The following LRRFIP1 variants were observed in gnomAD, a reference collection of about 807,000 sequenced individuals.
LRRFIP1 encodes the protein LRR binding FLII interacting protein 1.
LRRFIP1 carries 62 observed loss-of-function variants against 104.4 expected under a neutral mutation model. The ratio of observed to expected loss-of-function variants is 0.59; its 90% CI spans 0.48 to 0.73. The LOEUF (loss-of-function observed/expected upper bound fraction) is 0.73. Among genes scored for constraint, LRRFIP1 ranks in the 30% least tolerant of loss-of-function variants. LRRFIP1 has a pLI of 0.00. For synonymous variants in LRRFIP1, 300 were observed against 299.0 expected (o/e 1.00, Z -0.03); for missense variants, 796 against 824.5 (o/e 0.97, Z 0.42).
intron 4 of LRRFIP1, among the ~76,000 whole-genome samples, chr2:237,719,051 C>T (rs2094447027): frequency 6.6e-6 from 1 of 152,124 alleles, no homozygotes; most frequent in African/African-American, 2.4e-5. Flanking sequence ...TTATAAGATA[C>T]ATCCCCAGCT....
intron 1 of LRRFIP1, among the ~76,000 whole-genome samples, chr2:237,633,328 G>A (rs182283502): frequency 1.8e-3 from 273 of 152,324 alleles, no homozygotes; most frequent in Non-Finnish European, 3.1e-3. Flanking sequence ...GGCTGTTTGT[G>A]CGATTCCCAA....
At chr2:237,736,655 A>C (rs368271106) in intron 10 of LRRFIP1, among the ~76,000 whole-genome samples, 2 of 152,178 alleles carry the variant, frequency 1.3e-5, no homozygotes, top group South Asian at 4.1e-4. Context: ...TTCTGCGAGC[A>C]GTGATTTCTG....
At chr2:237,729,462 T>C (rs1463718787) in intron 8 of LRRFIP1, among the ~76,000 whole-genome samples, 1 of 136,364 alleles carries the variant, frequency 7.3e-6, no homozygotes, top group Non-Finnish European at 1.5e-5. Flanking sequence ...ACAAGGAGTT[T>C]ACTGACAACG....
Position 237,711,499 on chromosome 2 carries a change from A to G in LRRFIP1, c.184-2760A>G, listed in dbSNP as rs997587553. Among the ~76,000 whole-genome samples the G allele has an allele frequency of 1.2e-4, 18 of 152,178 alleles. No individual in the cohort carries two copies. Among genetic ancestry groups the G allele is most frequent in the Non-Finnish European group, 1.5e-5 (1 of 68,022 alleles). ...TCCCTTGCAGGCAGCACCTTTGGCC[A>G]ACGTCACCTTTTGCACGGTCCTCTG... On this transcript the variant is annotated intron_variant, in intron 2 of 23. Coordinates refer to ENST00000308482, the MANE Select transcript of LRRFIP1 (RefSeq NM_001137550.2). The surrounding 1 kb of genome is among the most constrained non-coding windows in gnomAD (Gnocchi z 4.4).
chr2:237,730,524 C>T (rs1188587855), intron 8 of LRRFIP1, among the ~76,000 whole-genome samples: 2 of 152,154 alleles, frequency 1.3e-5, no homozygotes, highest in East Asian at 3.9e-4. Context: ...AGAACAGAAG[C>T]CACCGGCACC....
At chr2:237,718,498 T>C (rs2094426277) in intron 4 of LRRFIP1, among the ~76,000 whole-genome samples, 1 of 152,182 alleles carries the variant, frequency 6.6e-6, no homozygotes. Flanking sequence ...GGCACCCACA[T>C]AGGGAGGCTG....
rs1025558011 is a variant in LRRFIP1 at position 237,779,633 on chromosome 2, G to A, written c.*101G>A. The A allele has an allele frequency of 3.2e-5, 33 of 1,042,798 alleles. No homozygotes were observed. The East Asian group carries it at 7.6e-4, about 24-fold the overall frequency. 64.6% of individuals were successfully genotyped at this position (1,042,798 alleles called of 1,614,324 possible). A position where few individuals can be genotyped will look rare whatever the true frequency, so the allele number is the denominator to read the frequency against. On this transcript the variant is annotated 3_prime_UTR_variant, in exon 24 of 24. Transcript: ENST00000308482. ...AGCGCTGCTTCTTCCCCTGCCTTCCGAGAGACGAAGACCGTGGCGAGCTTG... is the reference window on the plus strand; with the variant it reads ...AGCGCTGCTTCTTCCCCTGCCTTCCAAGAGACGAAGACCGTGGCGAGCTTG...
At chr2:237,715,184 C>CT (rs1468074204) in intron 3 of LRRFIP1, among the ~76,000 whole-genome samples, 1 of 152,168 alleles carries the variant, frequency 6.6e-6, no homozygotes, top group Non-Finnish European at 1.5e-5. Flanking sequence ...GCCTTCCCTG[C>CT]TGGAGCCCTG....
In LRRFIP1 at chr2:237,711,006, G is replaced by A. The variant is rs2094051863; in HGVS notation, c.183+2376G>A. ...AGCCCAGGAGCCTGAAGCAATGATC[G>A]GGCCATGATTGTCCCTGTGTGTAGC... On this transcript the variant is annotated intron_variant, in intron 2 of 23. Coordinates refer to ENST00000308482, the MANE Select transcript of LRRFIP1 (RefSeq NM_001137550.2). This position sits in a 1 kb window ranked among gnomAD's most constrained non-coding sequence, Gnocchi z 4.4. 1.3e-5 allele frequency among the ~76,000 whole-genome samples: 2 copies of A among 152,270 alleles called. No homozygotes were observed. The highest frequency in any genetic ancestry group is 1.9e-4 in the East Asian group (1 of 5,174).
At chr2:237,634,366 C>G (rs539790138) in intron 1 of LRRFIP1, among the ~76,000 whole-genome samples, 12 of 152,322 alleles carry the variant, frequency 7.9e-5, no homozygotes, top group African/African-American at 2.9e-4. Context: ...CACTATAGTT[C>G]ATTGTAGTGT....
chr2:237,727,491 G>A (rs554904403), intron 7 of LRRFIP1, among the ~76,000 whole-genome samples: 18 of 152,170 alleles, frequency 1.2e-4, no homozygotes, highest in African/African-American at 3.9e-4. Context: ...ACTACCCATC[G>A]GCCTGGCATG....
intron 1 of LRRFIP1, among the ~76,000 whole-genome samples, chr2:237,706,106 G>C (rs573111649): frequency 3.3e-5 from 5 of 152,294 alleles, no homozygotes; most frequent in African/African-American, 1.2e-4. Flanking sequence ...ATGGTCCCAC[G>C]CACTCAGTGG....
intron 1 of LRRFIP1, among the ~76,000 whole-genome samples, chr2:237,635,468 A>G (rs1395745916): frequency 6.6e-6 from 1 of 152,214 alleles, no homozygotes; most frequent in Non-Finnish European, 1.5e-5. Flanking sequence ...CATGCTCTTG[A>G]TATTTGAACC....
At chr2:237,727,635 T>C (rs1213189753) in intron 7 of LRRFIP1, among the ~76,000 whole-genome samples, 1 of 152,214 alleles carries the variant, frequency 6.6e-6, no homozygotes, top group East Asian at 1.9e-4. Flanking sequence ...AAGAGTGGCA[T>C]GTGACATGAA....
chr2:237,664,066 C>T (rs896109484), intron 1 of LRRFIP1, among the ~76,000 whole-genome samples: 2 of 151,610 alleles, frequency 1.3e-5, no homozygotes, highest in Admixed American at 6.6e-5. Flanking sequence ...GGGGAAACAG[C>T]CATGTCCATG....
intron 19 of LRRFIP1, chr2:237,764,117 AAAG>A: frequency 6.2e-7 from 1 of 1,614,222 alleles, no homozygotes; most frequent in Non-Finnish European, 8.5e-7. Context: ...GGGCAAAAGC[AAAG>A]AAGACTGTAC....
chr2:237,740,763 C>T (rs940933735), intron 11 of LRRFIP1, among the ~76,000 whole-genome samples: 2 of 152,186 alleles, frequency 1.3e-5, no homozygotes, highest in African/African-American at 4.8e-5. Flanking sequence ...TCTCTGGCCA[C>T]TTGACTCTGA....
At chr2:237,636,636 A>G (rs992689835) in intron 1 of LRRFIP1, among the ~76,000 whole-genome samples, 2 of 152,064 alleles carry the variant, frequency 1.3e-5, no homozygotes, top group Non-Finnish European at 2.9e-5. Flanking sequence ...GGCCTCTGTC[A>G]TCTTGGAGCC....
At chr2:237,677,152 A>T (rs1224026058) in intron 1 of LRRFIP1, among the ~76,000 whole-genome samples, 1 of 152,146 alleles carries the variant, frequency 6.6e-6, no homozygotes, top group Non-Finnish European at 1.5e-5. Flanking sequence ...GAACTTCTTC[A>T]TCTTGCAGAA....
Sources: gnomAD v4.1 joint callset for allele counts (sites outside exome capture counted in the v4.1 genomes callset) on GRCh38, gnomAD v4.1.1 for gene constraint, Gnocchi (gnomAD v3.1) non-coding constraint, MANE v1.5 for transcripts, NCBI Gene and HGNC (gene_info 2026-07-23, HGNC 2026-07-21) for gene names.